Variants in SPOCK3 observed in about 807,000 individuals in gnomAD.
SPOCK3 encodes the protein SPARC (osteonectin), cwcv and kazal like domains proteoglycan 3, also known as testican-3.
SPOCK3 carries 30 observed loss-of-function variants against 56.6 expected under a neutral mutation model. The observed-to-expected ratio is 0.53, with a 90% CI of 0.40 to 0.72. The LOEUF is 0.72. Among genes scored for constraint, SPOCK3 ranks in the 30% least tolerant of loss-of-function variants. The pLI is 0.00. For missense variants in SPOCK3, 527 were observed against 530.0 expected (o/e 0.99, Z 0.06); for synonymous variants, 196 against 183.3 (o/e 1.07, Z -0.56).
chr4:166,909,023 G>T (rs1183124308), intron 5 of SPOCK3, among the ~76,000 whole-genome samples: 1 of 151,972 alleles, frequency 6.6e-6, no homozygotes, highest in African/African-American at 2.4e-5. Flanking sequence ...TAAAAAGAAA[G>T]ATTAAATAGG....
chr4:167,003,085 G>GTTT (rs10650596), intron 3 of SPOCK3, among the ~76,000 whole-genome samples: 3 of 152,034 alleles, frequency 2.0e-5, no homozygotes, highest in Non-Finnish European at 4.4e-5. Flanking sequence ...GATTATAGCT[G>GTTT]TTTCTTTACC....
At chr4:166,751,065 C>T (rs1736317005) in intron 8 of SPOCK3, among the ~76,000 whole-genome samples, 1 of 152,118 alleles carries the variant, frequency 6.6e-6, no homozygotes, top group Admixed American at 6.6e-5. Flanking sequence ...TTTAAGTAAG[C>T]CACTGCCCTT....
intron 6 of SPOCK3, among the ~76,000 whole-genome samples, chr4:166,851,215 C>T (rs1373723740): frequency 6.6e-6 from 1 of 152,186 alleles, no homozygotes; most frequent in African/African-American, 2.4e-5. Context: ...CAGACTGACA[C>T]CTCACACGGC....
chr4:166,865,904 T>C (rs527530010), intron 6 of SPOCK3, among the ~76,000 whole-genome samples: 1 of 152,276 alleles, frequency 6.6e-6, no homozygotes, highest in East Asian at 1.9e-4. Flanking sequence ...TACCATTGGC[T>C]TTCTTCACAG....
At chr4:167,229,304 T>C (rs1736912712) in intron 2 of SPOCK3, among the ~76,000 whole-genome samples, 1 of 152,148 alleles carries the variant, frequency 6.6e-6, no homozygotes, top group Non-Finnish European at 1.5e-5. Flanking sequence ...CCCTCAATGC[T>C]AAGAGTATGC....
In SPOCK3 at chr4:167,188,545, A is replaced by C. The variant is rs1732211653; in HGVS notation, c.189+45440T>G. ...AGCACAATGACAGTAATAAGATTAA[A>C]ATAATTAAAATGCCAAAATAAAAAG... is the stretch of plus-strand genomic sequence containing the variant. On this transcript the variant is annotated intron_variant, in intron 2 of 10. Coordinates refer to ENST00000357545, the MANE Select transcript of SPOCK3 (RefSeq NM_001040159.2). Among the ~76,000 whole-genome samples the C allele has an allele frequency of 1.4e-5, 2 of 146,204 alleles. 1 individual carries two copies. Among genetic ancestry groups the C allele is most frequent in the African/African-American group, 5.2e-5 (2 of 38,294 alleles).
At chr4:166,886,353 T>C (rs1354862009) in intron 6 of SPOCK3, among the ~76,000 whole-genome samples, 1 of 152,118 alleles carries the variant, frequency 6.6e-6, no homozygotes, top group African/African-American at 2.4e-5. Context: ...GCCTGTGTAA[T>C]ACTAAATTTA....
chr4:166,769,283 C>G (rs1189178070), intron 7 of SPOCK3, among the ~76,000 whole-genome samples: 1 of 152,098 alleles, frequency 6.6e-6, no homozygotes, highest in Non-Finnish European at 1.5e-5. Context: ...GTATTTTCAG[C>G]TTTTCTGCTC....
intron 6 of SPOCK3, among the ~76,000 whole-genome samples, chr4:166,836,793 G>A (rs1560911056): frequency 6.6e-6 from 1 of 152,114 alleles, no homozygotes; most frequent in Non-Finnish European, 1.5e-5. Flanking sequence ...AATCAATTTA[G>A]TGAAAATTCC....
chr4:167,127,919 C>T (rs952807488), intron 2 of SPOCK3, among the ~76,000 whole-genome samples: 1 of 152,226 alleles, frequency 6.6e-6, no homozygotes, highest in African/African-American at 2.4e-5. Context: ...CTTGTGACAA[C>T]AGTCAGAGGA....
At chr4:167,229,219 T>C (rs1338618620) in intron 2 of SPOCK3, among the ~76,000 whole-genome samples, 2 of 152,164 alleles carry the variant, frequency 1.3e-5, no homozygotes, top group Non-Finnish European at 1.5e-5. Flanking sequence ...AAATTACAAA[T>C]AAATCTTTAA....
intron 7 of SPOCK3, among the ~76,000 whole-genome samples, chr4:166,770,186 C>G (rs1204997947): frequency 1.3e-5 from 2 of 152,258 alleles, no homozygotes; most frequent in East Asian, 1.9e-4. Flanking sequence ...GGGCTGCACC[C>G]ACTGTCCTGC....
At chr4:166,942,931 C>G (rs890605728) in intron 4 of SPOCK3, among the ~76,000 whole-genome samples, 3 of 152,084 alleles carry the variant, frequency 2.0e-5, no homozygotes, top group Non-Finnish European at 2.9e-5. Flanking sequence ...CATGTGGAAG[C>G]TGTTTATATT....
intron 2 of SPOCK3, among the ~76,000 whole-genome samples, chr4:167,223,412 G>T (rs560482955): frequency 6.0e-5 from 9 of 148,922 alleles, no homozygotes; most frequent in South Asian, 4.2e-4. Flanking sequence ...TATAGAGAGA[G>T]ATATATATTA....
chr4:166,859,653 T>C (rs1379441990), intron 6 of SPOCK3, among the ~76,000 whole-genome samples: 3 of 152,056 alleles, frequency 2.0e-5, no homozygotes, highest in Admixed American at 2.0e-4. Context: ...TGGAATAAAA[T>C]TATTATTATG....
At chr4:167,161,947 G>A (rs1014027315) in intron 2 of SPOCK3, among the ~76,000 whole-genome samples, 1 of 151,504 alleles carries the variant, frequency 6.6e-6, no homozygotes, top group Non-Finnish European at 1.5e-5. Flanking sequence ...GTTAAATGAC[G>A]AGTTAATAGG....
At chr4:167,196,146 C>T (rs1213325478) in intron 2 of SPOCK3, among the ~76,000 whole-genome samples, 2 of 152,080 alleles carry the variant, frequency 1.3e-5, no homozygotes, top group African/African-American at 4.8e-5. Flanking sequence ...ACTTTGCAAC[C>T]AATTTGTATT....
intron 3 of SPOCK3, among the ~76,000 whole-genome samples, chr4:167,059,617 A>G: frequency 6.6e-6 from 1 of 151,758 alleles, no homozygotes; most frequent in Non-Finnish European, 1.5e-5. Context: ...ATCTAGAACT[A>G]GAAATACCAT....
intron 2 of SPOCK3, among the ~76,000 whole-genome samples, chr4:167,073,330 A>T (rs1350476064): frequency 6.6e-6 from 1 of 151,832 alleles, no homozygotes; most frequent in African/African-American, 2.4e-5. Context: ...GAGTCAACAA[A>T]AATACAGTGC....
Sources: gnomAD v4.1 joint callset for allele counts (sites outside exome capture counted in the v4.1 genomes callset) on GRCh38, gnomAD v4.1.1 for gene constraint, MANE v1.5 for transcripts, NCBI Gene and HGNC (gene_info 2026-07-23, HGNC 2026-07-21) for gene names.